Variants in SRGAP1 observed in about 807,000 individuals in gnomAD.
SRGAP1 encodes SLIT-ROBO Rho GTPase-activating protein 1.
In SRGAP1, 43 loss-of-function variants were observed where a neutral mutation model predicts 121.9. That is an observed-to-expected ratio of 0.35 (90% CI 0.28 to 0.46). The LOEUF (loss-of-function observed/expected upper bound fraction) is 0.46, where lower values mean the gene tolerates loss of function less well. Ranked by LOEUF, SRGAP1 falls within the 20% of genes least tolerant of loss-of-function variation. SRGAP1 has a pLI of 1.00. For missense variants in SRGAP1, 1,102 were observed against 1,350.9 expected (o/e 0.82, Z 2.89); for synonymous variants, 447 against 485.4 (o/e 0.92, Z 1.04).
intron 1 of SRGAP1, among the ~76,000 whole-genome samples, chr12:63,977,457 A>G (rs2033124042): frequency 1.3e-5 from 2 of 152,330 alleles, no homozygotes; most frequent in East Asian, 3.9e-4. Context: ...TCCTGGTCGT[A>G]GTCATTCAGT....
chr12:63,869,230 T>C (rs1899766752), intron 1 of SRGAP1, among the ~76,000 whole-genome samples: 1 of 152,192 alleles, frequency 6.6e-6, no homozygotes. Flanking sequence ...GAGGGCCTTC[T>C]TGCTACATCA....
chr12:64,115,072 A>G (rs2036496245), intron 17 of SRGAP1, among the ~76,000 whole-genome samples: 1 of 152,250 alleles, frequency 6.6e-6, no homozygotes. Flanking sequence ...ATATGCAATG[A>G]ACATGTGTCA....
At chr12:64,040,583 C>A (rs560474756) in intron 4 of SRGAP1, among the ~76,000 whole-genome samples, 1 of 152,006 alleles carries the variant, frequency 6.6e-6, no homozygotes, top group Non-Finnish European at 1.5e-5. Context: ...CGAATTCACC[C>A]GGATGTCTGA....
intron 2 of SRGAP1, among the ~76,000 whole-genome samples, chr12:63,988,347 T>G (rs529982707): frequency 1.3e-4 from 20 of 152,182 alleles, no homozygotes; most frequent in Non-Finnish European, 2.8e-4. Context: ...GCTGGGTAGA[T>G]AGGAACTCTC....
chr12:63,903,043 A>G (rs2030010337), intron 1 of SRGAP1, among the ~76,000 whole-genome samples: 1 of 151,576 alleles, frequency 6.6e-6, no homozygotes, highest in Non-Finnish European at 1.5e-5. Context: ...TATGTCTGAA[A>G]TGATACTAGG....
At chr12:63,919,668 C>T (rs1169357556) in intron 1 of SRGAP1, among the ~76,000 whole-genome samples, 1 of 152,066 alleles carries the variant, frequency 6.6e-6, no homozygotes, top group Non-Finnish European at 1.5e-5. Context: ...ACCTGCCTAT[C>T]TTTTGAAGCA....
In SRGAP1 at chr12:64,143,154, G is replaced by T. The variant is rs2036995036; in HGVS notation, c.*482G>T. On this transcript the variant is annotated 3_prime_UTR_variant, in exon 22 of 22. Transcript: ENST00000355086. ...GCACCTTCGGTTCCATGTGGAGCGG[G>T]GTTTAGCTCATGCAAAAGACTTGCA... 6.2e-6 allele frequency: 1 copy of T among 160,496 alleles called. No individual in the cohort carries two copies. The highest frequency in any genetic ancestry group is 5.8e-5 in the Admixed American group (1 of 17,206). 9.9% of individuals were successfully genotyped at this position (160,496 alleles called of 1,614,324 possible).
chr12:64,062,654 C>A (rs2035470934), intron 6 of SRGAP1, among the ~76,000 whole-genome samples: 1 of 152,162 alleles, frequency 6.6e-6, no homozygotes, highest in African/African-American at 2.4e-5. Flanking sequence ...GTAGCTGAGA[C>A]TATAGGTGCG....
intron 1 of SRGAP1, among the ~76,000 whole-genome samples, chr12:63,965,057 G>A (rs2032751354): frequency 6.6e-6 from 1 of 152,162 alleles, no homozygotes. Flanking sequence ...CTAATTAGGG[G>A]ACCTTTTTGA....
intron 3 of SRGAP1, among the ~76,000 whole-genome samples, chr12:63,994,517 CGAG>C (rs1329598114): frequency 6.6e-6 from 1 of 152,066 alleles, no homozygotes; most frequent in Non-Finnish European, 1.5e-5. Context: ...ACAAGCTGGC[CGAG>C]ACTCCATGCC....
chr12:64,032,818 G>A (rs757151815), intron 4 of SRGAP1, among the ~76,000 whole-genome samples: 13 of 151,948 alleles, frequency 8.6e-5, no homozygotes, highest in Non-Finnish European at 1.8e-4. Context: ...GAGTATCAGT[G>A]CTTTTACTTT....
rs569420830 is a variant in SRGAP1, at chr12:63,856,691, C to T, written c.67+11808C>T. 9.9e-5 allele frequency among the ~76,000 whole-genome samples: 15 copies of T among 151,100 alleles called. No individual in the cohort carries two copies. In the East Asian group the frequency reaches 1.6e-3, roughly 16 times the overall value. ...ACCAATACCAATCACACTATCTTAA[C>T]TACTATAGCTTTGTAATAAGTCTTT... On this transcript the variant is annotated intron_variant, in intron 1 of 21. Coordinates refer to ENST00000355086, the MANE Select transcript of SRGAP1 (RefSeq NM_020762.4).
At chr12:63,948,236 T>C (rs924149692) in intron 1 of SRGAP1, among the ~76,000 whole-genome samples, 17 of 152,234 alleles carry the variant, frequency 1.1e-4, no homozygotes, top group Non-Finnish European at 2.5e-4. Flanking sequence ...ATCCTACTTT[T>C]GGCCTTAATT....
chr12:64,003,089 T>TGGGAGGGAGGGA (rs2033956973), intron 3 of SRGAP1, among the ~76,000 whole-genome samples: 1 of 8,110 alleles, frequency 1.2e-4, no homozygotes. Context: ...GAAGGGAGGG[T>TGGGAGGGAGGGA]GGGAGGGAGG....
At chr12:63,891,149 C>A (rs1360639133) in intron 1 of SRGAP1, among the ~76,000 whole-genome samples, 2 of 152,208 alleles carry the variant, frequency 1.3e-5, no homozygotes, top group Non-Finnish European at 2.9e-5. Context: ...TTCCTCCACA[C>A]TCATGGAGGC....
intron 1 of SRGAP1, among the ~76,000 whole-genome samples, chr12:63,961,855 G>T (rs1228120236): frequency 2.0e-5 from 3 of 152,170 alleles, no homozygotes; most frequent in African/African-American, 7.2e-5. Context: ...CATAGTAATG[G>T]GATGGAGTGA....
intron 4 of SRGAP1, among the ~76,000 whole-genome samples, chr12:64,037,732 T>C (rs1041991114): frequency 2.6e-5 from 4 of 152,212 alleles, no homozygotes; most frequent in Admixed American, 2.0e-4. Flanking sequence ...GTACCATCTT[T>C]CTAGCCTGGA....
intron 4 of SRGAP1, among the ~76,000 whole-genome samples, chr12:64,032,953 G>A (rs2034814856): frequency 6.6e-6 from 1 of 151,696 alleles, no homozygotes; most frequent in Admixed American, 6.6e-5. Context: ...ACATCACACT[G>A]TACCCCATAA....
In SRGAP1 at chr12:64,111,888, T is replaced by C. The variant is rs1247642482; in HGVS notation, c.2046T>C (p.Ile682=). 8 of 1,613,952 alleles carry C rather than the reference T, an allele frequency of 5.0e-6. No homozygotes were observed. Among genetic ancestry groups the C allele is most frequent in the Non-Finnish European group, 5.9e-6 (7 of 1,180,014 alleles). The change falls in exon 17 of 22, where the codon ATT becomes ATC. Residue 682 remains isoleucine, a synonymous_variant. Coordinates refer to ENST00000355086, the MANE Select transcript of SRGAP1 (RefSeq NM_020762.4). The part of the protein sequence containing the change: ...QVSCQAHVNE[I]IKTIIIHHET... ...CTTGCCAGGCACATGTGAATGAAAT[T>C]ATCAAAACCATCATCATCCACCATG...
Sources: gnomAD v4.1 joint callset for allele counts (sites outside exome capture counted in the v4.1 genomes callset) on GRCh38, gnomAD v4.1.1 for gene constraint, MANE v1.5 for transcripts, NCBI Gene and HGNC (gene_info 2026-07-23, HGNC 2026-07-21) for gene names.